The following GATAD2B variants were observed in gnomAD, a reference collection of about 807,000 sequenced individuals.
The protein encoded by GATAD2B is transcriptional repressor p66-beta.
In GATAD2B, 8 loss-of-function variants were observed where a neutral mutation model predicts 64.3. The observed-to-expected ratio is 0.12, with a 90% CI of 0.07 to 0.22. The LOEUF (loss-of-function observed/expected upper bound fraction) is 0.22, where lower values mean the gene tolerates loss of function less well. Among genes scored for constraint, GATAD2B ranks in the 10% least tolerant of loss-of-function variants. The pLI, the probability that GATAD2B is intolerant of heterozygous loss-of-function variation, is 1.00. For synonymous variants in GATAD2B, 281 were observed against 271.3 expected, an observed-to-expected ratio of 1.04 and a Z score of -0.35; for missense variants, 453 against 752.0, an observed-to-expected ratio of 0.60 and a Z score of 4.65.
chr1:153,834,226 G>A (rs1020925999), intron 1 of GATAD2B, among the ~76,000 whole-genome samples: 1 of 151,006 alleles, frequency 6.6e-6, no homozygotes, highest in Non-Finnish European at 1.5e-5. Context: ...GGATGGTCTC[G>A]AACTCCTGAC....
At chr1:153,846,083 CT>C (rs1675678571) in intron 1 of GATAD2B, among the ~76,000 whole-genome samples, 2 of 151,998 alleles carry the variant, frequency 1.3e-5, no homozygotes, top group South Asian at 4.1e-4. Flanking sequence ...ATTTCTACAC[CT>C]TTATGTTTTC....
rs562067045 is a variant in GATAD2B, at chr1:153,886,718, ATT to A, written c.-2+36013_-2+36014del. Among the ~76,000 whole-genome samples the A allele has an allele frequency of 2.6e-3, 361 of 140,846 alleles. 7 individuals carry two copies. The highest frequency in any genetic ancestry group is 0.021 in the South Asian group (91 of 4,432). 92.4% of individuals were successfully genotyped at this position (140,846 alleles called of 152,430 possible). A position where few individuals can be genotyped will look rare whatever the true frequency, so the allele number is the denominator to read the frequency against. ...AGGTGCCTGCCAACACGCCCGGCTA[ATT>A]TTTTTTTTTTTCGTATTTTTAGTAG... On this transcript the variant is annotated intron_variant, in intron 1 of 10. Transcript: ENST00000368655.
chr1:153,879,368 C>T (rs1676939581), intron 1 of GATAD2B, among the ~76,000 whole-genome samples: 2 of 152,198 alleles, frequency 1.3e-5, no homozygotes, highest in South Asian at 4.1e-4. Context: ...AGCCACCGCT[C>T]TCGGCCCCAT....
chr1:153,859,979 G>A (rs866405557), intron 1 of GATAD2B, among the ~76,000 whole-genome samples: 2 of 134,796 alleles, frequency 1.5e-5, no homozygotes, highest in African/African-American at 2.8e-5. Context: ...GTGCACTGGC[G>A]CGATCTCAGC....
intron 1 of GATAD2B, among the ~76,000 whole-genome samples, chr1:153,919,121 T>C (rs529834658): frequency 3.5e-4 from 53 of 152,350 alleles, no homozygotes; most frequent in Admixed American, 5.9e-4. Context: ...CTGCAGTTAC[T>C]ATGATTCTTT....
chr1:153,896,533 T>C (rs1044718586), intron 1 of GATAD2B, among the ~76,000 whole-genome samples: 1 of 147,330 alleles, frequency 6.8e-6, no homozygotes, highest in Non-Finnish European at 1.5e-5. Flanking sequence ...ACCTCCCGGG[T>C]TCAAGCAATT....
chr1:153,898,122 G>A (rs1457747164), intron 1 of GATAD2B, among the ~76,000 whole-genome samples: 3 of 150,814 alleles, frequency 2.0e-5, no homozygotes, highest in African/African-American at 4.9e-5. Flanking sequence ...TATGCAACAC[G>A]GTAAAACCCC....
At chr1:153,884,022 C>T (rs10908512) in intron 1 of GATAD2B, among the ~76,000 whole-genome samples, 81,976 of 152,114 alleles carry the variant, frequency 0.54, 22,533 homozygotes, top group African/African-American at 0.57. Context: ...CTTTGCCAGG[C>T]GTGGTGGCTC....
chr1:153,821,025 T>C (rs542247685), intron 2 of GATAD2B, among the ~76,000 whole-genome samples: 1 of 129,682 alleles, frequency 7.7e-6, no homozygotes, highest in South Asian at 2.6e-4. Flanking sequence ...GGTCTCACTC[T>C]ATTGCCCAGG....
At chr1:153,843,386 C>T (rs1233645301) in intron 1 of GATAD2B, among the ~76,000 whole-genome samples, 1 of 152,064 alleles carries the variant, frequency 6.6e-6, no homozygotes, top group African/African-American at 2.4e-5. Flanking sequence ...CCTCAAATTC[C>T]TGGCCTCATT....
At chr1:153,869,110 T>C (rs910865422) in intron 1 of GATAD2B, among the ~76,000 whole-genome samples, 3 of 152,082 alleles carry the variant, frequency 2.0e-5, no homozygotes, top group African/African-American at 7.2e-5. Flanking sequence ...CTGACCAACA[T>C]GGTGAAACCC....
rs1243228599 is a variant in GATAD2B, at chr1:153,816,165, G to A, written c.1216+108C>T. On this transcript the variant is annotated intron_variant, in intron 7 of 10. Transcript: ENST00000368655. The surrounding 1 kb of genome is among the most constrained non-coding windows in gnomAD (Gnocchi z 4.9). ...AGGGAGGGAGGTGGTTTGGTAACAGGAAGGAGAAGTTATTTAATATTGTAC... is the reference window on the plus strand; with the variant it reads ...AGGGAGGGAGGTGGTTTGGTAACAGAAAGGAGAAGTTATTTAATATTGTAC... 1 of 720,396 alleles carries A rather than the reference G, an allele frequency of 1.4e-6. No individual in the cohort carries two copies. Among genetic ancestry groups the A allele is most frequent in the African/African-American group, 1.8e-5 (1 of 56,362 alleles). The allele number at this position is 720,396 out of a possible 1,614,324, so 44.6% of individuals were successfully genotyped here. A position where few individuals can be genotyped will look rare whatever the true frequency, so the allele number is the denominator to read the frequency against.
intron 1 of GATAD2B, among the ~76,000 whole-genome samples, chr1:153,873,133 T>C (rs1460463994): frequency 2.6e-5 from 4 of 152,166 alleles, no homozygotes; most frequent in Non-Finnish European, 5.9e-5. Flanking sequence ...AATGATGACT[T>C]AGTATTATTA....
chr1:153,874,205 T>C (rs1460948907), intron 1 of GATAD2B, among the ~76,000 whole-genome samples: 1 of 150,882 alleles, frequency 6.6e-6, no homozygotes, highest in East Asian at 2.0e-4. Flanking sequence ...GAGGTTGCAA[T>C]GAGCTGAGAT....
chr1:153,922,579 T>C (rs1201832475), intron 1 of GATAD2B, among the ~76,000 whole-genome samples, 154 bp downstream of exon 1: 1 of 143,478 alleles, frequency 7.0e-6, no homozygotes, highest in Admixed American at 6.8e-5. Context: ...CGGGCGGGCG[T>C]CGGCTCGCGG....
At chr1:153,874,572 GTTTT>G (rs926909611) in intron 1 of GATAD2B, among the ~76,000 whole-genome samples, 1 of 151,594 alleles carries the variant, frequency 6.6e-6, no homozygotes, top group African/African-American at 2.4e-5. Context: ...TATTTTTGGG[GTTTT>G]TTTGTTGTTT....
At chr1:153,855,308 A>T (rs1232736989) in intron 1 of GATAD2B, among the ~76,000 whole-genome samples, 1 of 151,632 alleles carries the variant, frequency 6.6e-6, no homozygotes, top group Non-Finnish European at 1.5e-5. Flanking sequence ...AGCTCACTGT[A>T]ACTTCTGCCT....
At chr1:153,842,310 G>A (rs977603894) in intron 1 of GATAD2B, among the ~76,000 whole-genome samples, 4 of 151,978 alleles carry the variant, frequency 2.6e-5, no homozygotes, top group African/African-American at 4.8e-5. Flanking sequence ...TTTCCTAACC[G>A]AGCTCTTTGC....
At chr1:153,855,411 T>C (rs1450452893) in intron 1 of GATAD2B, among the ~76,000 whole-genome samples, 1 of 152,028 alleles carries the variant, frequency 6.6e-6, no homozygotes, top group Non-Finnish European at 1.5e-5. Flanking sequence ...GTATTTTTAG[T>C]AGAGACAGGG....
Sources: gnomAD v4.1 joint callset for allele counts (sites outside exome capture counted in the v4.1 genomes callset) on GRCh38, gnomAD v4.1.1 for gene constraint, Gnocchi (gnomAD v3.1) non-coding constraint, MANE v1.5 for transcripts, NCBI Gene and HGNC (gene_info 2026-07-23, HGNC 2026-07-21) for gene names.